Variants in HMGCLL1 observed in about 807,000 individuals in gnomAD.
The protein encoded by HMGCLL1 is 3-hydroxy-3-methylglutaryl-CoA lyase like 1, also known as 3-hydroxymethyl-3-methylglutaryl-CoA lyase, cytoplasmic.
HMGCLL1 carries 36 observed loss-of-function variants against 39.1 expected under a neutral mutation model. The ratio of observed to expected loss-of-function variants is 0.92; its 90% CI spans 0.71 to 1.22. HMGCLL1 has a LOEUF of 1.22. Ranked by LOEUF, HMGCLL1 falls within the 50% of genes most tolerant of loss-of-function variation. The pLI, the probability that HMGCLL1 is intolerant of heterozygous loss-of-function variation, is 0.00. For synonymous variants in HMGCLL1, 149 were observed against 144.0 expected, an observed-to-expected ratio of 1.03 and a Z score of -0.25; for missense variants, 451 against 416.5, an observed-to-expected ratio of 1.08 and a Z score of -0.72.
intron 3 of HMGCLL1, among the ~76,000 whole-genome samples, chr6:55,538,898 T>C (rs1769181895): frequency 6.6e-6 from 1 of 152,114 alleles, no homozygotes; most frequent in South Asian, 2.1e-4. Context: ...TTAGTTTCTT[T>C]TGAGGATAAA....
At chr6:55,656,096 C>T in the HMGCLL1 span, among the ~76,000 whole-genome samples, 3 of 151,978 alleles carry the variant, frequency 2.0e-5, no homozygotes, top group Non-Finnish European at 4.4e-5. Flanking sequence ...ACCCAACTTC[C>T]TATCGGGAAT....
chr6:55,599,588 T>C, the HMGCLL1 span, among the ~76,000 whole-genome samples: 1 of 152,062 alleles, frequency 6.6e-6, no homozygotes, highest in Admixed American at 6.6e-5. Flanking sequence ...CCAGATGAAA[T>C]CTACCGCAAT....
At chr6:55,645,731 A>T in the HMGCLL1 span, among the ~76,000 whole-genome samples, 1 of 151,946 alleles carries the variant, frequency 6.6e-6, no homozygotes, top group African/African-American at 2.4e-5. Context: ...CCATCCTTGC[A>T]TCCTTGGGAT....
At chr6:55,505,285 T>C (rs1371154408) in intron 5 of HMGCLL1, among the ~76,000 whole-genome samples, 1 of 151,682 alleles carries the variant, frequency 6.6e-6, no homozygotes, top group African/African-American at 2.4e-5. Context: ...AAGTCATGTA[T>C]AAATGTCACA....
chr6:55,541,829 A>G lies in HMGCLL1; in HGVS notation c.197T>C (p.Val66Ala). ...AAATTCAATTTTTATATCTGTAGGA[A>G]CTATAACCTATGAAAACAAAAAATA... ...RDGLQNEKVI[V>A]PTDIKIEFIN... Residue 66 changes from valine (V) to alanine (A), a missense_variant, in exon 3 of 9, where the codon GTT becomes GCT. Transcript: ENST00000274901. 1 of 1,567,476 alleles carries G rather than the reference A, an allele frequency of 6.4e-7. No individual in the cohort carries two copies. Among genetic ancestry groups the G allele is most frequent in the African/African-American group, 1.4e-5 (1 of 73,310 alleles).
At chr6:55,562,749 G>A (rs75307562) in intron 1 of HMGCLL1, among the ~76,000 whole-genome samples, 3,015 of 152,214 alleles carry the variant, frequency 0.02, 51 homozygotes, top group South Asian at 0.095. Flanking sequence ...CAAGGCTGAT[G>A]AAACAGTGCA....
chr6:55,660,552 A>C, the HMGCLL1 span, among the ~76,000 whole-genome samples: 50,900 of 151,698 alleles, frequency 0.34, 8,767 homozygotes, highest in East Asian at 0.41. Flanking sequence ...TGATCTCATT[A>C]TTTTTTATGG....
At chr6:55,471,436 T>G (rs1765041367) in intron 7 of HMGCLL1, among the ~76,000 whole-genome samples, 1 of 151,808 alleles carries the variant, frequency 6.6e-6, no homozygotes, top group Non-Finnish European at 1.5e-5. Flanking sequence ...AAGGAATAAA[T>G]TGCTGGGTCA....
the HMGCLL1 span, among the ~76,000 whole-genome samples, chr6:55,608,064 T>C: frequency 1.3e-5 from 2 of 152,210 alleles, no homozygotes; most frequent in African/African-American, 4.8e-5. Flanking sequence ...TCTCTCTCCT[T>C]AATACACATT....
At chr6:55,562,754 A>G (rs190164852) in intron 1 of HMGCLL1, among the ~76,000 whole-genome samples, 2 of 152,246 alleles carry the variant, frequency 1.3e-5, no homozygotes, top group African/African-American at 4.8e-5. Flanking sequence ...CTGATGAAAC[A>G]GTGCAGGATA....
At chr6:55,539,973 G>A in intron 3 of HMGCLL1, among the ~76,000 whole-genome samples, 1 of 14,348 alleles carries the variant, frequency 7.0e-5, no homozygotes, top group Admixed American at 7.1e-4. Flanking sequence ...AGGAAGGAAG[G>A]AAGGAAGGAA....
At chr6:55,450,011 T>C (rs1275119279) in intron 7 of HMGCLL1, among the ~76,000 whole-genome samples, 1 of 152,092 alleles carries the variant, frequency 6.6e-6, no homozygotes, top group African/African-American at 2.4e-5. Context: ...CATTTCTGAG[T>C]TCCCTGAAGG....
the HMGCLL1 span, among the ~76,000 whole-genome samples, chr6:55,625,952 T>C: frequency 1.3e-5 from 2 of 152,160 alleles, no homozygotes; most frequent in Non-Finnish European, 2.9e-5. Flanking sequence ...CCTCTGCCAT[T>C]GCTCCATGGA....
At chr6:55,620,380 A>C in the HMGCLL1 span, among the ~76,000 whole-genome samples, 1 of 152,096 alleles carries the variant, frequency 6.6e-6, no homozygotes, top group Admixed American at 6.6e-5. Flanking sequence ...TTTGGATAGA[A>C]GCCATTTTAA....
intron 3 of HMGCLL1, among the ~76,000 whole-genome samples, chr6:55,521,132 A>G (rs2127441618): frequency 6.6e-6 from 1 of 152,234 alleles, no homozygotes; most frequent in South Asian, 2.1e-4. Context: ...CCTGAATACT[A>G]TAATGTGTTC....
At chr6:55,634,239 T>C in the HMGCLL1 span, among the ~76,000 whole-genome samples, 3 of 152,000 alleles carry the variant, frequency 2.0e-5, no homozygotes, top group Non-Finnish European at 4.4e-5. Flanking sequence ...AATTGATAGA[T>C]TTAGGTCTTT....
intron 6 of HMGCLL1, among the ~76,000 whole-genome samples, chr6:55,496,154 T>TG (rs1766565864): frequency 6.6e-6 from 1 of 152,038 alleles, no homozygotes; most frequent in South Asian, 2.1e-4. Context: ...TATATTAAAT[T>TG]TTTTTTCGGA....
intron 1 of HMGCLL1, among the ~76,000 whole-genome samples, chr6:55,560,280 C>T (rs1328680741): frequency 1.3e-5 from 2 of 152,272 alleles, no homozygotes; most frequent in South Asian, 2.1e-4. Flanking sequence ...TAGAGCAAAA[C>T]TATAAAGGTG....
intron 1 of HMGCLL1, among the ~76,000 whole-genome samples, chr6:55,574,606 T>TA (rs1344502355): frequency 1.3e-5 from 2 of 151,682 alleles, no homozygotes; most frequent in East Asian, 1.9e-4. Context: ...TGGAAAAGAA[T>TA]AAAAAATGGT....
Sources: gnomAD v4.1 joint callset for allele counts (sites outside exome capture counted in the v4.1 genomes callset) on GRCh38, gnomAD v4.1.1 for gene constraint, MANE v1.5 for transcripts, NCBI Gene and HGNC (gene_info 2026-07-23, HGNC 2026-07-21) for gene names.